The following TP53I11 variants were observed in gnomAD, a reference collection of about 807,000 sequenced individuals.
TP53I11 encodes tumor protein p53-inducible protein 11.
Under a neutral mutation model 23.3 loss-of-function variants are expected in TP53I11, and 9 were observed. The ratio of observed to expected loss-of-function variants is 0.39; its 90% CI spans 0.23 to 0.67. The LOEUF is 0.67. Ranked by LOEUF, TP53I11 falls within the 30% of genes least tolerant of loss-of-function variation. TP53I11 has a pLI of 0.48. For synonymous variants in TP53I11, 100 were observed against 106.1 expected (o/e 0.94, Z 0.35); for missense variants, 170 against 255.2 (o/e 0.67, Z 2.27).
chr11:44,937,489 G>T, intron 3 of TP53I11, 66 bp downstream of exon 3: 1 of 1,585,576 alleles, frequency 6.3e-7, no homozygotes, highest in Non-Finnish European at 8.6e-7. Context: ...ATGAGGTGAG[G>T]TCTTATGCAT....
At position 44,935,595 on chromosome 11, in the gene TP53I11, G is replaced by A. The variant is rs992783028; in HGVS notation, c.402C>T (p.Leu134=). The change falls in exon 6 of 7, where the codon CTC becomes CTT. Residue 134 remains leucine, a synonymous_variant. Transcript: ENST00000525680. ...GGACCCCGAAATAGCAAGCTTCGGT[G>A]AGCAGGGTCCATCGAATGATGACCT... ...AEKVIIRWTL[L]TEACYFGVQF... is the part of the protein sequence containing the mutation. The A allele has an allele frequency of 2.5e-6, 4 of 1,613,752 alleles. No individual in the cohort carries two copies. Among genetic ancestry groups the A allele is most frequent in the Non-Finnish European group, 3.4e-6 (4 of 1,179,920 alleles).
chr11:44,949,867 G>C (rs1427917995), intron 1 of TP53I11: 1 of 152,382 alleles, frequency 6.6e-6, no homozygotes, highest in Non-Finnish European at 1.5e-5. Context: ...GCTAAGGCGC[G>C]GCCTGGGTTT....
At chr11:44,949,496 T>C (rs1590809593) in intron 1 of TP53I11, among the ~76,000 whole-genome samples, 1 of 152,296 alleles carries the variant, frequency 6.6e-6, no homozygotes, top group East Asian at 1.9e-4. Context: ...GTTCTTGGCC[T>C]CCGCGCTGCT....
At chr11:44,947,754 G>C (rs982827234) in intron 1 of TP53I11, among the ~76,000 whole-genome samples, 1 of 152,094 alleles carries the variant, frequency 6.6e-6, no homozygotes, top group Non-Finnish European at 1.5e-5. Context: ...TATGCCTTTG[G>C]GCCAGTGACT....
chr11:44,938,517 C>T, intron 1 of TP53I11, 151 bp from the exon 2 acceptor site: 1 of 909,514 alleles, frequency 1.1e-6, no homozygotes, highest in Non-Finnish European at 1.6e-6. Context: ...CAGCTGGCTT[C>T]CTTGTCAAAT....
intron 6 of TP53I11, among the ~76,000 whole-genome samples, chr11:44,935,344 T>TTA (rs1245849401): frequency 6.6e-6 from 1 of 152,102 alleles, no homozygotes; most frequent in Non-Finnish European, 1.5e-5. Flanking sequence ...TACAAGTGTG[T>TTA]GGATTTGGGA....
In TP53I11 at chr11:44,937,496, G is replaced by C. The variant is rs977852843; in HGVS notation, c.188+59C>G. On this transcript the variant is annotated intron_variant, in intron 3 of 6. Transcript: ENST00000525680. ...CAGGCCAAATGAGGTGAGGTCTTAT[G>C]CATTCTGCCCCACCGCCGCAGGCCT... 4 of 1,592,872 alleles carry C rather than the reference G, an allele frequency of 2.5e-6. No homozygotes were observed. In the South Asian group the frequency reaches 3.4e-5, roughly 13 times the overall value.
In TP53I11 at chr11:44,936,559, T is replaced by C. The variant is rs1179161996; in HGVS notation, c.334+244A>G. 6.1e-6 allele frequency: 8 copies of C among 1,305,846 alleles called. No homozygotes were observed. Among genetic ancestry groups the C allele is most frequent in the Non-Finnish European group, 7.8e-6 (8 of 1,028,034 alleles). 80.9% of individuals were successfully genotyped at this position (1,305,846 alleles called of 1,614,324 possible). A position where few individuals can be genotyped will look rare whatever the true frequency, so the allele number is the denominator to read the frequency against. On this transcript the variant is annotated intron_variant, in intron 5 of 6. Transcript: ENST00000525680. This position sits in a 1 kb window ranked among gnomAD's most constrained non-coding sequence, Gnocchi z 4.4. ...CAACGCCCAGAGGCAGTGCACACAC[T>C]TATGAGCGCTCCTTGCAGATGGTGG...
Position 44,936,284 on chromosome 11 carries a change from A to T in TP53I11, c.334+519T>A. On this transcript the variant is annotated intron_variant, in intron 5 of 6. Transcript: ENST00000525680. This position sits in a 1 kb window ranked among gnomAD's most constrained non-coding sequence, Gnocchi z 4.4. Reference sequence around the variant, plus strand: ...GGAGCTCAGCCTTTATTCTGTAGGCAATAGGGAGCCATAGAATATTTCGTA... The same window carrying T: ...GGAGCTCAGCCTTTATTCTGTAGGCTATAGGGAGCCATAGAATATTTCGTA... The T allele has an allele frequency of 8.9e-7, 1 of 1,122,580 alleles. No homozygotes were observed. The highest frequency in any genetic ancestry group is 1.1e-6 in the Non-Finnish European group (1 of 920,892). 69.5% of individuals were successfully genotyped at this position (1,122,580 alleles called of 1,614,324 possible).
chr11:44,935,120 GCT>G lies in TP53I11; in HGVS notation c.437-105_437-104del, dbSNP rs1449460853. 26 of 1,541,726 alleles carry G rather than the reference GCT, an allele frequency of 1.7e-5. No homozygotes were observed. In the East Asian group the frequency reaches 5.7e-4, roughly 34 times the overall value. On this transcript the variant is annotated intron_variant, in intron 6 of 6. Transcript: ENST00000525680. Reference sequence around the variant, plus strand: ...CTGGTGTGGCCGTCTCCCTGACTTTGCTCTGAGCCCAGGATCCTCCCAGGTGG... The same window carrying G: ...CTGGTGTGGCCGTCTCCCTGACTTTGCTGAGCCCAGGATCCTCCCAGGTGG...
chr11:44,935,849 C>G (rs1861049416), intron 5 of TP53I11, 187 bp from the exon 6 acceptor site: 1 of 603,008 alleles, frequency 1.7e-6, no homozygotes, highest in Non-Finnish European at 3.0e-6. Flanking sequence ...CCCCTCCAGA[C>G]TCAATGCTGC....
rs1860859130 is a variant in TP53I11, at chr11:44,934,440, G to A, written c.*444C>T. On this transcript the variant is annotated 3_prime_UTR_variant, in exon 7 of 7. Transcript: ENST00000525680. ...AGAAGGAAGCCAAGTTTAGCTGCTTGGGCACTAGGTTGGCTGGGAGTGTAG... is the reference window on the plus strand; with the variant it reads ...AGAAGGAAGCCAAGTTTAGCTGCTTAGGCACTAGGTTGGCTGGGAGTGTAG... 1 of 176,152 alleles carries A rather than the reference G, an allele frequency of 5.7e-6. No homozygotes were observed. The highest frequency in any genetic ancestry group is 2.4e-5 in the African/African-American group (1 of 42,304). 10.9% of individuals were successfully genotyped at this position (176,152 alleles called of 1,614,324 possible).
At chr11:44,949,063 C>T (rs1218520050) in intron 1 of TP53I11, among the ~76,000 whole-genome samples, 1 of 152,226 alleles carries the variant, frequency 6.6e-6, no homozygotes, top group Non-Finnish European at 1.5e-5. Flanking sequence ...ATGGCAGGGG[C>T]CTCCTGGGAT....
chr11:44,948,259 C>T (rs1374564921), intron 1 of TP53I11, among the ~76,000 whole-genome samples: 1 of 152,200 alleles, frequency 6.6e-6, no homozygotes, highest in African/African-American at 2.4e-5. Context: ...CTGAGCCTCA[C>T]TTCCCTCACC....
chr11:44,935,198 T>G (rs1860949725), intron 6 of TP53I11, among the ~76,000 whole-genome samples, 181 bp from the exon 7 acceptor site: 1 of 152,126 alleles, frequency 6.6e-6, no homozygotes, highest in East Asian at 1.9e-4. Flanking sequence ...ATGTTTCTGC[T>G]CTGATGTCTC....
In TP53I11 at chr11:44,934,952, G is replaced by T. The variant is rs150540503; in HGVS notation, c.502C>A (p.Arg168Ser). The change falls in exon 7 of 7, where the codon CGC (arginine) becomes AGC (serine). Residue 168 changes from arginine (R) to serine (S), a missense_variant. Physicochemically the swap from Arg to Ser is moderately radical, Grantham distance 110. Coordinates refer to ENST00000525680, the MANE Select transcript of TP53I11 (RefSeq NM_006034.5). ...SLGILLLLVS[R>S]LLFVVISIYY... ...ATGCTGATGACGACAAAAAGGAGGC[G>T]GCTGACCAGGAGCAGCAGGATCCCC... 2 of 1,613,976 alleles carry T rather than the reference G, an allele frequency of 1.2e-6. No individual in the cohort carries two copies. The highest frequency in any genetic ancestry group is 1.7e-6 in the Non-Finnish European group (2 of 1,180,010).
chr11:44,948,610 C>A lies in TP53I11; in HGVS notation c.-32+2067G>T, dbSNP rs966179548. ...CCTGCCCCCTGCTTTTAAGCATCAG[C>A]TCCATGAGGACAAAAATTTTTATTT... On this transcript the variant is annotated intron_variant, in intron 1 of 6. Transcript: ENST00000525680. Among the ~76,000 whole-genome samples the A allele has an allele frequency of 2.0e-5, 3 of 152,322 alleles. No individual in the cohort carries two copies. The East Asian group carries it at 5.8e-4, about 29-fold the overall frequency.
At chr11:44,937,635 G>A (rs370954632) in intron 2 of TP53I11, 22 bp from the exon 3 acceptor site, 16 of 1,612,192 alleles carry the variant, frequency 9.9e-6, no homozygotes, top group Middle Eastern at 1.9e-4. Context: ...GGGGGTCAGA[G>A]GCAACCAGGG....
Position 44,932,707 on chromosome 11 carries a change from C to T in TP53I11, c.*2177G>A, listed in dbSNP as rs1217735253. 6.6e-6 allele frequency: 1 copy of T among 152,442 alleles called. No homozygotes were observed. The highest frequency in any genetic ancestry group is 1.9e-4 in the East Asian group (1 of 5,196). 9.4% of individuals were successfully genotyped at this position (152,442 alleles called of 1,614,324 possible). ...CAGATCTTACCTGACCTGCAGCCCC[C>T]TCCCTCACCCTCACCTGCAGGCTCC... On this transcript the variant is annotated 3_prime_UTR_variant, in exon 7 of 7. Coordinates refer to ENST00000525680, the MANE Select transcript of TP53I11 (RefSeq NM_006034.5).
Sources: gnomAD v4.1 joint callset for allele counts (sites outside exome capture counted in the v4.1 genomes callset) on GRCh38, gnomAD v4.1.1 for gene constraint, Gnocchi (gnomAD v3.1) non-coding constraint, MANE v1.5 for transcripts, NCBI Gene and HGNC (gene_info 2026-07-23, HGNC 2026-07-21) for gene names.